ATG7: variants seen among roughly 807,000 people sequenced by gnomAD.
ATG7 encodes ubiquitin-like modifier-activating enzyme ATG7.
In ATG7, 70 loss-of-function variants were observed where a neutral mutation model predicts 82.4. The observed-to-expected ratio is 0.85, with a 90% CI of 0.70 to 1.04. ATG7 has a LOEUF of 1.04. ATG7 is among the 50% of genes least tolerant of loss of function. The pLI, the probability that ATG7 is intolerant of heterozygous loss-of-function variation, is 0.00. For synonymous variants in ATG7, 287 were observed against 313.0 expected (o/e 0.92, Z 0.88); for missense variants, 792 against 864.3 (o/e 0.92, Z 1.05).
chr3:11,439,192 C>A (rs1232878229), intron 20 of ATG7, among the ~76,000 whole-genome samples: 8 of 151,690 alleles, frequency 5.3e-5, no homozygotes. Context: ...CCTCAGCCTC[C>A]CGAGTAGCAG....
intron 19 of ATG7, among the ~76,000 whole-genome samples, chr3:11,422,572 A>G (rs557365807): frequency 6.6e-6 from 1 of 152,010 alleles, no homozygotes; most frequent in South Asian, 2.1e-4. Context: ...CTTTCTCTGT[A>G]GCTCTTTTAC....
chr3:11,288,342 T>C (rs1325242584), intron 3 of ATG7, among the ~76,000 whole-genome samples: 1 of 152,212 alleles, frequency 6.6e-6, no homozygotes, highest in African/African-American at 2.4e-5. Context: ...GAGCTATTAT[T>C]TCATTTCAAC....
the ATG7 span, among the ~76,000 whole-genome samples, chr3:11,573,249 AAGAAAG>A: frequency 5.8e-5 from 2 of 34,358 alleles, no homozygotes; most frequent in Non-Finnish European, 1.8e-4. Context: ...GAAATAGAGA[AAGAAAG>A]AAAGAAAGAA....
At chr3:11,378,232 G>T (rs1363105453) in intron 18 of ATG7, among the ~76,000 whole-genome samples, 3 of 149,540 alleles carry the variant, frequency 2.0e-5, no homozygotes, top group Non-Finnish European at 3.0e-5. Context: ...GTCCAGGCTG[G>T]TCTCAAACTC....
chr3:11,398,288 C>A (rs560538974), intron 19 of ATG7, among the ~76,000 whole-genome samples: 3 of 152,096 alleles, frequency 2.0e-5, no homozygotes, highest in African/African-American at 7.2e-5. Context: ...TTCAAGCACA[C>A]ACATAATATT....
At chr3:11,564,107 T>G in the ATG7 span, among the ~76,000 whole-genome samples, 2 of 152,216 alleles carry the variant, frequency 1.3e-5, no homozygotes, top group African/African-American at 4.8e-5. Context: ...CCCTGGAGAT[T>G]CGGAGAGCTC....
chr3:11,492,042 T>C (rs955063385), intron 20 of ATG7, among the ~76,000 whole-genome samples: 9 of 152,172 alleles, frequency 5.9e-5, no homozygotes, highest in Non-Finnish European at 8.8e-5. Context: ...TTGGCAATGG[T>C]GGGCGCCCCT....
At chr3:11,523,704 G>A (rs1378708852) in intron 20 of ATG7, among the ~76,000 whole-genome samples, 1 of 152,120 alleles carries the variant, frequency 6.6e-6, no homozygotes, top group Non-Finnish European at 1.5e-5. Flanking sequence ...TTAAAATGTC[G>A]GCCCTGGAAA....
chr3:11,404,782 G>C (rs1335314822), intron 19 of ATG7, among the ~76,000 whole-genome samples: 1 of 152,062 alleles, frequency 6.6e-6, no homozygotes, highest in Non-Finnish European at 1.5e-5. Context: ...AGCAGACAAG[G>C]GCTTGTGGAG....
chr3:11,404,589 G>A (rs138687864), intron 19 of ATG7, among the ~76,000 whole-genome samples: 37 of 152,054 alleles, frequency 2.4e-4, no homozygotes, highest in African/African-American at 8.4e-4. Context: ...TTTTGGGCAT[G>A]TACCTAGCCT....
At chr3:11,340,816 T>C in intron 12 of ATG7, 81 bp downstream of exon 12, 1 of 1,311,226 alleles carries the variant, frequency 7.6e-7, no homozygotes, top group Non-Finnish European at 1.1e-6. Context: ...CAACACAACA[T>C]TGTGTAATTC....
chr3:11,520,323 C>T (rs1261312006), intron 20 of ATG7, among the ~76,000 whole-genome samples: 1 of 152,160 alleles, frequency 6.6e-6, no homozygotes, highest in Non-Finnish European at 1.5e-5. Flanking sequence ...CTCAAATGTC[C>T]GAAAGGCCAT....
intron 19 of ATG7, among the ~76,000 whole-genome samples, chr3:11,402,796 T>A (rs1280054877): frequency 2.0e-5 from 3 of 152,208 alleles, no homozygotes; most frequent in Non-Finnish European, 4.4e-5. Flanking sequence ...ACAATTTTTT[T>A]AATGGAGTCA....
At chr3:11,293,632 G>A (rs1366944881) in intron 3 of ATG7, among the ~76,000 whole-genome samples, 1 of 151,902 alleles carries the variant, frequency 6.6e-6, no homozygotes, top group Non-Finnish European at 1.5e-5. Flanking sequence ...CGGATCACTT[G>A]AGGTCAGGAG....
downstream of ATG7, chr3:11,559,369 G>A (rs377383551): frequency 1.1e-4 from 166 of 1,552,404 alleles, no homozygotes; most frequent in Middle Eastern, 5.9e-4. Flanking sequence ...GCCCGGGCGC[G>A]GCACAGCCGC....
At chr3:11,297,765 C>T (rs1946180521) in intron 3 of ATG7, among the ~76,000 whole-genome samples, 1 of 152,158 alleles carries the variant, frequency 6.6e-6, no homozygotes, top group Admixed American at 6.5e-5. Flanking sequence ...TGTTAAAGCA[C>T]TGCTCTCAGA....
At position 11,325,548 on chromosome 3, in the gene ATG7, G is replaced by C. The variant is rs537332166; in HGVS notation, c.679-5792G>C. Among the ~76,000 whole-genome samples, 11 of 152,180 alleles carry C rather than the reference G, an allele frequency of 7.2e-5. No individual in the cohort carries two copies. In the East Asian group the frequency reaches 2.1e-3, roughly 29 times the overall value. On this transcript the variant is annotated intron_variant, in intron 9 of 20. Coordinates refer to ENST00000693202, the MANE Select transcript of ATG7 (RefSeq NM_001349232.2). ...TAGCCGGGTGTGGTGGCGCATGCCT[G>C]TAATCCCAGCTACTCGGGAGGCTGA...
intron 7 of ATG7, among the ~76,000 whole-genome samples, chr3:11,312,880 T>C (rs919710933): frequency 6.6e-6 from 1 of 152,242 alleles, no homozygotes; most frequent in African/African-American, 2.4e-5. Flanking sequence ...AGAGTTCTGA[T>C]CTCTTCTCTG....
the ATG7 span, among the ~76,000 whole-genome samples, chr3:11,571,188 G>A: frequency 1.3e-5 from 2 of 152,136 alleles, no homozygotes; most frequent in African/African-American, 4.8e-5. Context: ...TTCAATAGCG[G>A]GGTCCATCCT....
Sources: allele counts gnomAD v4.1 joint callset (sites outside exome capture counted in the v4.1 genomes callset), GRCh38; gene constraint gnomAD v4.1.1; transcripts MANE v1.5; gene names NCBI Gene and HGNC (gene_info 2026-07-23, HGNC 2026-07-21).